Variants in CNTNAP2 observed in about 807,000 individuals in gnomAD.
The protein encoded by CNTNAP2 is contactin associated protein 2.
Under a neutral mutation model 155.2 loss-of-function variants are expected in CNTNAP2, and 98 were observed. The observed-to-expected ratio is 0.63, with a 90% confidence interval of 0.54 to 0.75. The LOEUF (loss-of-function observed/expected upper bound fraction) is 0.75. Ranked by LOEUF, CNTNAP2 falls within the 30% of genes least tolerant of loss-of-function variation. The probability of loss-of-function intolerance (pLI) is 0.00; values close to 1 mark genes in which losing one functional copy is unlikely to be tolerated. For missense variants in CNTNAP2, 1,727 were observed against 1,688.1 expected, an observed-to-expected ratio of 1.02 and a Z score of -0.40; for synonymous variants, 651 against 631.2, an observed-to-expected ratio of 1.03 and a Z score of -0.47.
At chr7:148,253,890 C>T (rs1259188793) in intron 20 of CNTNAP2, among the ~76,000 whole-genome samples, 1 of 152,130 alleles carries the variant, frequency 6.6e-6, no homozygotes, top group Non-Finnish European at 1.5e-5. Flanking sequence ...TACATCAAAC[C>T]TCATGCATAC....
chr7:147,611,681 A>G (rs976356961), intron 12 of CNTNAP2, among the ~76,000 whole-genome samples: 1 of 152,194 alleles, frequency 6.6e-6, no homozygotes, highest in Non-Finnish European at 1.5e-5. Context: ...CACCACCTGC[A>G]GAACATAATC....
intron 7 of CNTNAP2, among the ~76,000 whole-genome samples, chr7:147,131,899 C>T (rs1305566083): frequency 6.6e-6 from 1 of 151,924 alleles, no homozygotes; most frequent in Non-Finnish European, 1.5e-5. Flanking sequence ...AGTAGCTTTG[C>T]TGTCTTCAGA....
intron 11 of CNTNAP2, among the ~76,000 whole-genome samples, chr7:147,501,872 A>G (rs1171597302): frequency 1.3e-5 from 2 of 152,240 alleles, no homozygotes; most frequent in African/African-American, 4.8e-5. Context: ...CAAATTCAGT[A>G]AAGTGGCAGT....
At chr7:146,177,569 A>T (rs1798487730) in intron 1 of CNTNAP2, among the ~76,000 whole-genome samples, 1 of 152,224 alleles carries the variant, frequency 6.6e-6, no homozygotes, top group Non-Finnish European at 1.5e-5. Flanking sequence ...ACTTTTAAAG[A>T]ATGCCTCAAA....
intron 1 of CNTNAP2, among the ~76,000 whole-genome samples, chr7:146,588,849 T>C (rs866184703): frequency 7.9e-5 from 12 of 152,312 alleles, no homozygotes; most frequent in Non-Finnish European, 1.2e-4. Context: ...TGAGCTCTTT[T>C]TATAGAAATT....
intron 12 of CNTNAP2, among the ~76,000 whole-genome samples, chr7:147,576,745 C>T (rs557526946): frequency 6.6e-6 from 1 of 152,156 alleles, no homozygotes; most frequent in African/African-American, 2.4e-5. Flanking sequence ...ATGCAACTAA[C>T]AATTAAATTT....
At chr7:146,488,158 C>T (rs1458432064) in intron 1 of CNTNAP2, among the ~76,000 whole-genome samples, 2 of 151,926 alleles carry the variant, frequency 1.3e-5, no homozygotes, top group Non-Finnish European at 2.9e-5. Context: ...GTCAGACACG[C>T]GGCTTGCTCT....
chr7:147,750,096 G>A (rs1797110058), intron 13 of CNTNAP2, among the ~76,000 whole-genome samples: 1 of 152,154 alleles, frequency 6.6e-6, no homozygotes. Flanking sequence ...TGGCTGTATT[G>A]AAATCTTGTT....
rs2129185929 is a variant in CNTNAP2, at chr7:146,774,149, A to T, written c.98-122A>T. ...AGAATTGCCTAAATTCCTTTGCTAA[A>T]TATTGTTTCAAAGATACATAAAAGA... On this transcript the variant is annotated intron_variant, in intron 1 of 23. Transcript: ENST00000361727. 8.0e-6 allele frequency: 6 copies of T among 748,234 alleles called. No individual in the cohort carries two copies. In the East Asian group the frequency reaches 1.6e-4, roughly 20 times the overall value. The allele number at this position is 748,234 out of a possible 1,614,324, so 46.3% of individuals were successfully genotyped here. A position where few individuals can be genotyped will look rare whatever the true frequency, so the allele number is the denominator to read the frequency against.
At chr7:148,341,919 T>C (rs1259475380) in intron 21 of CNTNAP2, among the ~76,000 whole-genome samples, 1 of 152,190 alleles carries the variant, frequency 6.6e-6, no homozygotes, top group Non-Finnish European at 1.5e-5. Context: ...GGAGAGTGAC[T>C]AGTGACCCCC....
intron 1 of CNTNAP2, among the ~76,000 whole-genome samples, chr7:146,413,519 G>T (rs891143445): frequency 6.6e-6 from 1 of 152,168 alleles, no homozygotes; most frequent in African/African-American, 2.4e-5. Flanking sequence ...CATCTGGGCA[G>T]GTTGAAAATA....
rs200106894 is a variant in CNTNAP2 at position 146,464,330 on chromosome 7, G to A, written c.98-309941G>A. On this transcript the variant is annotated intron_variant, in intron 1 of 23. Transcript: ENST00000361727. ...CTCCCTATCAGAATATTTAATAAGG[G>A]TGTGGCTTTGGAAGGAAATTGTCTC... Among the ~76,000 whole-genome samples the A allele has an allele frequency of 7.2e-5, 11 of 151,900 alleles. No homozygotes were observed. In the East Asian group the frequency reaches 2.1e-3, roughly 29 times the overall value.
chr7:147,349,206 G>A (rs13236876), intron 9 of CNTNAP2, among the ~76,000 whole-genome samples: 34,662 of 151,654 alleles, frequency 0.23, 4,351 homozygotes, highest in Non-Finnish European at 0.28. Flanking sequence ...TAATCTGACC[G>A]TTATACATTA....
At chr7:148,392,261 A>T (rs1382333085) in intron 22 of CNTNAP2, among the ~76,000 whole-genome samples, 1 of 137,902 alleles carries the variant, frequency 7.3e-6, no homozygotes, top group East Asian at 1.9e-4. Flanking sequence ...TTTAGTAGAG[A>T]CGGGGTTTCA....
At chr7:147,262,516 G>A (rs1434472412) in intron 8 of CNTNAP2, among the ~76,000 whole-genome samples, 1 of 152,106 alleles carries the variant, frequency 6.6e-6, no homozygotes, top group Non-Finnish European at 1.5e-5. Flanking sequence ...AGGACGCAGG[G>A]AGGCCGGGCC....
chr7:147,108,495 T>C, intron 5 of CNTNAP2, 145 bp downstream of exon 5: 1 of 729,368 alleles, frequency 1.4e-6, no homozygotes, highest in Non-Finnish European at 2.2e-6. Context: ...ACAGTAGGTA[T>C]ATAATGAAAC....
intron 9 of CNTNAP2, among the ~76,000 whole-genome samples, chr7:147,353,820 C>A (rs1278807500): frequency 1.3e-5 from 2 of 151,766 alleles, no homozygotes; most frequent in African/African-American, 4.8e-5. Context: ...TGTTTCCTGA[C>A]TTAATGATCG....
At chr7:146,624,479 T>TTA (rs397890015) in intron 1 of CNTNAP2, among the ~76,000 whole-genome samples, 4 of 151,972 alleles carry the variant, frequency 2.6e-5, no homozygotes, top group Admixed American at 6.5e-5. Flanking sequence ...TTACTTTTTT[T>TTA]ATCAACATTT....
intron 12 of CNTNAP2, among the ~76,000 whole-genome samples, chr7:147,603,436 CAGAG>C (rs2116864459): frequency 6.6e-6 from 1 of 152,156 alleles, no homozygotes; most frequent in African/African-American, 2.4e-5. Flanking sequence ...AACAGACAAA[CAGAG>C]AGCCAAATCA....
Sources: allele counts gnomAD v4.1 joint callset (sites outside exome capture counted in the v4.1 genomes callset), GRCh38; gene constraint gnomAD v4.1.1; transcripts MANE v1.5; gene names NCBI Gene and HGNC (gene_info 2026-07-23, HGNC 2026-07-21).